MAPKAPK5: variants seen among roughly 807,000 people sequenced by gnomAD.
MAPKAPK5 encodes the protein MAP kinase-activated protein kinase 5.
MAPKAPK5 carries 30 observed loss-of-function variants against 65.1 expected under a neutral mutation model. The observed-to-expected ratio is 0.46, with a 90% confidence interval of 0.34 to 0.63. The LOEUF (loss-of-function observed/expected upper bound fraction) is 0.63. Ranked by LOEUF, MAPKAPK5 falls within the 20% of genes least tolerant of loss-of-function variation. The pLI is 0.01. For missense variants in MAPKAPK5, 433 were observed against 581.4 expected, an observed-to-expected ratio of 0.74 and a Z score of 2.63; for synonymous variants, 179 against 204.6, an observed-to-expected ratio of 0.87 and a Z score of 1.07.
rs1267683528 is a variant in MAPKAPK5, at chr12:111,900,805, G to A, written c.*7744G>A. On this transcript the variant is annotated 3_prime_UTR_variant, in exon 14 of 14. Transcript: ENST00000550735. ...ACATCTGCATTATGCCCCAACAACA[G>A]GCATAAGCAAGATGGCTCAAAATGT... The A allele has an allele frequency of 1.8e-5, 8 of 455,954 alleles. No homozygotes were observed. The highest frequency in any genetic ancestry group is 1.6e-4 in the Admixed American group (7 of 42,548). 28.2% of individuals were successfully genotyped at this position (455,954 alleles called of 1,614,324 possible). A position where few individuals can be genotyped will look rare whatever the true frequency, so the allele number is the denominator to read the frequency against.
intron 9 of MAPKAPK5, 165 bp from the exon 10 acceptor site, chr12:111,885,751 C>A: frequency 1.3e-6 from 1 of 751,430 alleles, no homozygotes; most frequent in Non-Finnish European, 2.1e-6. Context: ...CATAGTACCC[C>A]TACAAGTGGT....
chr12:111,853,993 T>C (rs1213831162), intron 1 of MAPKAPK5, among the ~76,000 whole-genome samples: 1 of 152,234 alleles, frequency 6.6e-6, no homozygotes, highest in African/African-American at 2.4e-5. Flanking sequence ...ATTCCTGGTA[T>C]AAACCCCACT....
intron 1 of MAPKAPK5, among the ~76,000 whole-genome samples, chr12:111,853,339 T>C (rs924585223): frequency 1.3e-5 from 2 of 151,888 alleles, no homozygotes; most frequent in Admixed American, 1.3e-4. Flanking sequence ...GCCACTGCAC[T>C]CCAGCCTGGG....
In MAPKAPK5 at chr12:111,896,226, T is replaced by C. The variant is rs920827932; in HGVS notation, c.*3165T>C. On this transcript the variant is annotated 3_prime_UTR_variant, in exon 14 of 14. Coordinates refer to ENST00000550735, the MANE Select transcript of MAPKAPK5 (RefSeq NM_003668.4). ...AGTGTATGCTGAATTTTAGGTGCGATGGAAAAGGTATCCAAAGTGATACTC... is the reference window on the plus strand; with the variant it reads ...AGTGTATGCTGAATTTTAGGTGCGACGGAAAAGGTATCCAAAGTGATACTC... 1 of 152,200 alleles carries C rather than the reference T, an allele frequency of 6.6e-6. No individual in the cohort carries two copies. Among genetic ancestry groups the C allele is most frequent in the African/African-American group, 2.4e-5 (1 of 41,456 alleles). The allele number at this position is 152,200 out of a possible 1,614,324, so 9.4% of individuals were successfully genotyped here. A position where few individuals can be genotyped will look rare whatever the true frequency, so the allele number is the denominator to read the frequency against.
At chr12:111,851,540 G>A (rs2069083426) in intron 1 of MAPKAPK5, among the ~76,000 whole-genome samples, 1 of 151,826 alleles carries the variant, frequency 6.6e-6, no homozygotes, top group Non-Finnish European at 1.5e-5. Context: ...TGCCCAGGTT[G>A]GTCTCGAACT....
At chr12:111,847,858 A>C (rs750845207) in intron 1 of MAPKAPK5, among the ~76,000 whole-genome samples, 44 of 152,250 alleles carry the variant, frequency 2.9e-4, no homozygotes, top group Non-Finnish European at 5.9e-4. Flanking sequence ...TCCAGAAATT[A>C]TTTCCTTAAT....
At chr12:111,849,381 A>G (rs1372549151) in intron 1 of MAPKAPK5, among the ~76,000 whole-genome samples, 7 of 151,504 alleles carry the variant, frequency 4.6e-5, no homozygotes, top group Admixed American at 2.0e-4. Context: ...TCAGCCTCCC[A>G]AGTAGCTGGG....
At position 111,900,869 on chromosome 12, in the gene MAPKAPK5, C is replaced by T. The variant is rs1292610566; in HGVS notation, c.*7808C>T. 2 of 456,000 alleles carry T rather than the reference C, an allele frequency of 4.4e-6. No individual in the cohort carries two copies. Among genetic ancestry groups the T allele is most frequent in the Admixed American group, 4.7e-5 (2 of 42,566 alleles). The allele number at this position is 456,000 out of a possible 1,614,324, so 28.2% of individuals were successfully genotyped here. On this transcript the variant is annotated 3_prime_UTR_variant, in exon 14 of 14. Transcript: ENST00000550735. ...AGTGCCTTAAAGTTCATTGTATGGACCCTAATAATCAGTGCTTACAATTAT... is the reference window on the plus strand; with the variant it reads ...AGTGCCTTAAAGTTCATTGTATGGATCCTAATAATCAGTGCTTACAATTAT...
intron 7 of MAPKAPK5, 63 bp from the exon 8 acceptor site, chr12:111,880,384 C>G (rs946232155): frequency 7.5e-7 from 1 of 1,337,686 alleles, no homozygotes. Flanking sequence ...TAGCCTGTCT[C>G]AAGGCAGGTT....
chr12:111,877,663 A>G (rs2070034926), intron 7 of MAPKAPK5, among the ~76,000 whole-genome samples: 2 of 152,004 alleles, frequency 1.3e-5, no homozygotes, highest in Admixed American at 6.6e-5. Context: ...AGTTCTTTGT[A>G]TATTTCAGAT....
At chr12:111,866,759 G>A (rs1217302562) in intron 3 of MAPKAPK5, among the ~76,000 whole-genome samples, 5 of 152,140 alleles carry the variant, frequency 3.3e-5, no homozygotes, top group East Asian at 3.9e-4. Context: ...ACAGGCATGC[G>A]CCACCACGCA....
chr12:111,889,736 C>T, intron 12 of MAPKAPK5: 1 of 255,864 alleles, frequency 3.9e-6, no homozygotes, highest in Middle Eastern at 1.5e-3. Context: ...ACTTTTTGGT[C>T]TTTGGTTGAC....
intron 1 of MAPKAPK5, among the ~76,000 whole-genome samples, chr12:111,846,505 T>C (rs1028154652): frequency 6.6e-6 from 1 of 151,714 alleles, no homozygotes; most frequent in African/African-American, 2.4e-5. Flanking sequence ...TTTTTCTTTT[T>C]TTTTTTTTTT....
intron 1 of MAPKAPK5, among the ~76,000 whole-genome samples, chr12:111,846,848 G>A (rs2068921087): frequency 6.6e-6 from 1 of 152,060 alleles, no homozygotes; most frequent in Admixed American, 6.6e-5. Flanking sequence ...GAAATCTCTT[G>A]CCATATTGCC....
At chr12:111,856,488 C>T (rs1290338320) in intron 1 of MAPKAPK5, among the ~76,000 whole-genome samples, 1 of 150,096 alleles carries the variant, frequency 6.7e-6, no homozygotes. Flanking sequence ...CTCACTGCAA[C>T]CTCCACCTCC....
At chr12:111,881,509 A>G (rs557936092) in intron 8 of MAPKAPK5, among the ~76,000 whole-genome samples, 2 of 151,344 alleles carry the variant, frequency 1.3e-5, no homozygotes, top group South Asian at 2.1e-4. Context: ...GGTTCAAGCA[A>G]TTCTCTTGCC....
intron 1 of MAPKAPK5, among the ~76,000 whole-genome samples, chr12:111,862,439 G>T (rs1262631608): frequency 6.6e-6 from 1 of 152,170 alleles, no homozygotes; most frequent in Non-Finnish European, 1.5e-5. Context: ...AGTGGCTCAT[G>T]CTTGTAATCC....
At position 111,883,986 on chromosome 12, in the gene MAPKAPK5, C is replaced by A. The variant is rs1391868146; in HGVS notation, c.848+218C>A. On this transcript the variant is annotated intron_variant, in intron 9 of 13. Coordinates refer to ENST00000550735, the MANE Select transcript of MAPKAPK5 (RefSeq NM_003668.4). This position sits in a 1 kb window ranked among gnomAD's most constrained non-coding sequence, Gnocchi z 4.8. ...CTCCTGTTGCATCCCTAGACTTTGT[C>A]CCCAGGGTGTGAACCCAGGTCCCTC... Among the ~76,000 whole-genome samples the A allele has an allele frequency of 6.6e-6, 1 of 152,206 alleles. No individual in the cohort carries two copies. Among genetic ancestry groups the A allele is most frequent in the Admixed American group, 6.5e-5 (1 of 15,284 alleles).
intron 12 of MAPKAPK5, chr12:111,889,365 G>C (rs1039047835): frequency 9.6e-6 from 2 of 207,560 alleles, no homozygotes; most frequent in Non-Finnish European, 2.0e-5. Context: ...CTCATTGCAG[G>C]CTGTTAACCA....
Sources: gnomAD v4.1 joint callset for allele counts (sites outside exome capture counted in the v4.1 genomes callset) on GRCh38, gnomAD v4.1.1 for gene constraint, Gnocchi (gnomAD v3.1) non-coding constraint, MANE v1.5 for transcripts, NCBI Gene and HGNC (gene_info 2026-07-23, HGNC 2026-07-21) for gene names.